Variants in MEGF9 observed in about 807,000 individuals in gnomAD.
MEGF9 encodes multiple epidermal growth factor-like domains protein 9.
Under a neutral mutation model 46.8 loss-of-function variants are expected in MEGF9, and 6 were observed. The observed-to-expected ratio is 0.13, with a 90% CI of 0.07 to 0.25. The LOEUF (loss-of-function observed/expected upper bound fraction) is 0.25, where lower values mean the gene tolerates loss of function less well. MEGF9 is among the 10% of genes least tolerant of loss of function. The pLI is 1.00. For missense variants in MEGF9, 683 were observed against 792.4 expected, an observed-to-expected ratio of 0.86 and a Z score of 1.66; for synonymous variants, 302 against 330.7, an observed-to-expected ratio of 0.91 and a Z score of 0.94.
chr9:120,658,155 G>C (rs1170618116), intron 2 of MEGF9, among the ~76,000 whole-genome samples: 1 of 151,764 alleles, frequency 6.6e-6, no homozygotes, highest in Non-Finnish European at 1.5e-5. Context: ...CAGCTAATTT[G>C]TTTGTATTTT....
intron 2 of MEGF9, among the ~76,000 whole-genome samples, chr9:120,640,460 T>C (rs541097930): frequency 6.5e-4 from 99 of 152,162 alleles, no homozygotes; most frequent in African/African-American, 2.3e-3. Flanking sequence ...TCTCTTCCCA[T>C]CTAGAATGTC....
Position 120,602,753 on chromosome 9 carries a change from C to T in MEGF9, c.*2437G>A, listed in dbSNP as rs1194212316. The T allele has an allele frequency of 6.6e-6, 1 of 152,110 alleles. No individual in the cohort carries two copies. Among genetic ancestry groups the T allele is most frequent in the East Asian group, 1.9e-4 (1 of 5,190 alleles). The allele number at this position is 152,110 out of a possible 1,614,324, so 9.4% of individuals were successfully genotyped here. Reference sequence around the variant, plus strand: ...CACTTCTCACCACCTTTAATCCTGACCTTTTTTGGGGGGGGCAGGGGGCGG... The same window carrying T: ...CACTTCTCACCACCTTTAATCCTGATCTTTTTTGGGGGGGGCAGGGGGCGG... On this transcript the variant is annotated 3_prime_UTR_variant, in exon 6 of 6. Transcript: ENST00000373930.
chr9:120,664,196 T>C (rs1055391906), intron 1 of MEGF9, among the ~76,000 whole-genome samples: 24 of 152,072 alleles, frequency 1.6e-4, no homozygotes, highest in African/African-American at 5.8e-4. Context: ...TTTCTAGGCC[T>C]TTAATATACC....
intron 1 of MEGF9, among the ~76,000 whole-genome samples, chr9:120,663,173 C>A (rs1000676305): frequency 6.6e-6 from 1 of 152,098 alleles, no homozygotes; most frequent in African/African-American, 2.4e-5. Flanking sequence ...CCCCAAAAAA[C>A]CAAAGGAAAG....
intron 1 of MEGF9, among the ~76,000 whole-genome samples, chr9:120,711,987 T>C (rs2043956217): frequency 1.3e-5 from 2 of 152,152 alleles, no homozygotes; most frequent in Non-Finnish European, 2.9e-5. Flanking sequence ...CCTGGTGAAG[T>C]GAATCATGCC....
At chr9:120,652,955 G>A (rs1480906848) in intron 2 of MEGF9, among the ~76,000 whole-genome samples, 3 of 152,204 alleles carry the variant, frequency 2.0e-5, no homozygotes, top group Non-Finnish European at 4.4e-5. Flanking sequence ...AGGTCAAACA[G>A]CTTAATAAAG....
chr9:120,685,613 CCA>C (rs1203486818), intron 1 of MEGF9, among the ~76,000 whole-genome samples: 1 of 152,184 alleles, frequency 6.6e-6, no homozygotes, highest in Non-Finnish European at 1.5e-5. Context: ...AAAGCTATCA[CCA>C]CAGTCTTGGT....
chr9:120,698,321 T>C (rs1290492261), intron 1 of MEGF9, among the ~76,000 whole-genome samples: 2 of 152,230 alleles, frequency 1.3e-5, no homozygotes, highest in African/African-American at 4.8e-5. Flanking sequence ...ATGGCTGTTT[T>C]GGGGATTTCC....
intron 1 of MEGF9, chr9:120,690,021 G>A: frequency 1.9e-6 from 1 of 517,128 alleles, no homozygotes; most frequent in South Asian, 1.5e-5. Flanking sequence ...CAGACAATGA[G>A]GGTAATGTGG....
Sources: allele counts gnomAD v4.1 joint callset (sites outside exome capture counted in the v4.1 genomes callset), GRCh38; gene constraint gnomAD v4.1.1; transcripts MANE v1.5; gene names NCBI Gene and HGNC (gene_info 2026-07-23, HGNC 2026-07-21).